Variants in LINGO2 observed in about 807,000 individuals in gnomAD.
LINGO2 encodes leucine rich repeat and Ig domain containing 2, also known as leucine-rich repeat and immunoglobulin-like domain-containing nogo receptor-interacting protein 2.
In LINGO2, 14 loss-of-function variants were observed where a neutral mutation model predicts 30.6. That is an observed-to-expected ratio of 0.46 (90% CI 0.30 to 0.72). The LOEUF (loss-of-function observed/expected upper bound fraction) is 0.72. Among genes scored for constraint, LINGO2 ranks in the 30% least tolerant of loss-of-function variants. The pLI, the probability that LINGO2 is intolerant of heterozygous loss-of-function variation, is 0.07. For synonymous variants in LINGO2, 317 were observed against 288.5 expected, an observed-to-expected ratio of 1.10 and a Z score of -1.00; for missense variants, 729 against 751.7, an observed-to-expected ratio of 0.97 and a Z score of 0.35.
the LINGO2 span, among the ~76,000 whole-genome samples, chr9:29,109,871 C>G: frequency 6.6e-6 from 1 of 152,200 alleles, no homozygotes; most frequent in Admixed American, 6.5e-5. Context: ...AGCCTGCTAA[C>G]AGATCATAAT....
At chr9:28,055,393 G>A (rs1824879805) in intron 4 of LINGO2, among the ~76,000 whole-genome samples, 1 of 152,122 alleles carries the variant, frequency 6.6e-6, no homozygotes, top group African/African-American at 2.4e-5. Context: ...GAGTCTGAAT[G>A]GCCAGGCTAT....
At chr9:28,834,157 G>C in the LINGO2 span, among the ~76,000 whole-genome samples, 24 of 152,074 alleles carry the variant, frequency 1.6e-4, no homozygotes, top group Non-Finnish European at 3.1e-4. Context: ...TCTTATCAGA[G>C]AGAGGTTTAA....
intron 4 of LINGO2, among the ~76,000 whole-genome samples, chr9:28,015,998 C>A (rs371213405): frequency 0.02 from 2,468 of 121,750 alleles, no homozygotes; most frequent in Non-Finnish European, 0.026. Context: ...GTAAAAGGGA[C>A]AAAAAAAAAA....
chr9:28,989,282 TC>T, the LINGO2 span, among the ~76,000 whole-genome samples: 1 of 152,230 alleles, frequency 6.6e-6, no homozygotes, highest in African/African-American at 2.4e-5. Context: ...TTCAGCTGTG[TC>T]AATATTAGCA....
chr9:28,514,151 G>C (rs1820525911), intron 1 of LINGO2, among the ~76,000 whole-genome samples: 1 of 152,098 alleles, frequency 6.6e-6, no homozygotes, highest in South Asian at 2.1e-4. Context: ...TGTGTCTTTT[G>C]GCTGCTCCAC....
intron 1 of LINGO2, among the ~76,000 whole-genome samples, chr9:28,545,781 G>T (rs1366081361): frequency 6.6e-6 from 1 of 151,952 alleles, no homozygotes; most frequent in African/African-American, 2.4e-5. Context: ...TATACTTACT[G>T]TATATTGTGC....
At chr9:28,165,582 C>G (rs1587121501) in intron 4 of LINGO2, among the ~76,000 whole-genome samples, 1 of 152,132 alleles carries the variant, frequency 6.6e-6, no homozygotes, top group Non-Finnish European at 1.5e-5. Flanking sequence ...AAAAGAAGAG[C>G]AAGAAAATGC....
the LINGO2 span, among the ~76,000 whole-genome samples, chr9:29,019,986 A>G: frequency 2.8e-4 from 43 of 152,288 alleles, no homozygotes; most frequent in African/African-American, 9.6e-4. Flanking sequence ...TCAGCAACCT[A>G]TATAAAAGGA....
At chr9:28,416,313 T>G (rs1208351042) in intron 2 of LINGO2, among the ~76,000 whole-genome samples, 2 of 152,150 alleles carry the variant, frequency 1.3e-5, no homozygotes, top group Non-Finnish European at 2.9e-5. Flanking sequence ...GTAATCATTA[T>G]AATCAACAGC....
the LINGO2 span, among the ~76,000 whole-genome samples, chr9:28,939,840 G>A: frequency 6.6e-6 from 1 of 151,958 alleles, no homozygotes; most frequent in African/African-American, 2.4e-5. Flanking sequence ...GCCAAAAGGT[G>A]GTCTTTACCT....
chr9:29,007,999 C>T, the LINGO2 span, among the ~76,000 whole-genome samples: 1 of 152,070 alleles, frequency 6.6e-6, no homozygotes, highest in African/African-American at 2.4e-5. Flanking sequence ...CATATGTATA[C>T]ATGTGCCATG....
In LINGO2 at chr9:28,520,226, G is replaced by T. The variant is rs1489353418; in HGVS notation, c.-364-44201C>A. ...TACTGAGTAGAAACTGATATTGCAG[G>T]TGTCTTTGTTTTAGTCTTGACTTTA... is the stretch of plus-strand genomic sequence containing the variant. On this transcript the variant is annotated intron_variant, in intron 1 of 5. Transcript: ENST00000379992. Among the ~76,000 whole-genome samples, 5 of 152,066 alleles carry T rather than the reference G, an allele frequency of 3.3e-5. No individual in the cohort carries two copies. The East Asian group carries it at 7.8e-4, about 24-fold the overall frequency.
intron 4 of LINGO2, among the ~76,000 whole-genome samples, chr9:28,198,121 C>T (rs1820080746): frequency 6.8e-6 from 1 of 148,130 alleles, no homozygotes; most frequent in Non-Finnish European, 1.5e-5. Flanking sequence ...ATTTATCCTA[C>T]AGATATATAT....
the LINGO2 span, among the ~76,000 whole-genome samples, chr9:29,027,651 T>C: frequency 6.6e-6 from 1 of 152,188 alleles, no homozygotes; most frequent in Non-Finnish European, 1.5e-5. Flanking sequence ...TATGAGTTTA[T>C]ATATTTGTTT....
chr9:28,948,496 T>A, the LINGO2 span, among the ~76,000 whole-genome samples: 1 of 152,064 alleles, frequency 6.6e-6, no homozygotes, highest in Admixed American at 6.6e-5. Flanking sequence ...TTGGCAAAAT[T>A]TGAGCAATTT....
At chr9:28,506,048 A>C (rs1466448945) in intron 1 of LINGO2, among the ~76,000 whole-genome samples, 1 of 151,868 alleles carries the variant, frequency 6.6e-6, no homozygotes, top group Admixed American at 6.6e-5. Context: ...TCCCTTCATC[A>C]ATAATAACAA....
At chr9:28,535,726 GCA>G (rs35045943) in intron 1 of LINGO2, among the ~76,000 whole-genome samples, 75 of 149,786 alleles carry the variant, frequency 5.0e-4, no homozygotes, top group East Asian at 1.2e-3. Context: ...ACGTGTGGAC[GCA>G]CACACACACA....
chr9:28,504,811 GA>G (rs1354816482), intron 1 of LINGO2, among the ~76,000 whole-genome samples: 1 of 151,852 alleles, frequency 6.6e-6, no homozygotes, highest in Non-Finnish European at 1.5e-5. Flanking sequence ...AAGAAGTAAA[GA>G]GGCAGAATAT....
intron 3 of LINGO2, among the ~76,000 whole-genome samples, chr9:28,300,804 C>T (rs919052163): frequency 4.0e-5 from 6 of 151,532 alleles, no homozygotes; most frequent in Non-Finnish European, 8.8e-5. Flanking sequence ...AAGTATTGCT[C>T]ATAGTCTAGT....
Sources: allele counts gnomAD v4.1 joint callset (sites outside exome capture counted in the v4.1 genomes callset), GRCh38; gene constraint gnomAD v4.1.1; transcripts MANE v1.5; gene names NCBI Gene and HGNC (gene_info 2026-07-23, HGNC 2026-07-21).